Variants in CNGB1 observed in about 807,000 individuals in gnomAD.
CNGB1 encodes cyclic nucleotide gated channel subunit beta 1.
In CNGB1, 126 loss-of-function variants were observed where a neutral mutation model predicts 151.7. That is an observed-to-expected ratio of 0.83 (90% CI 0.72 to 0.96). The LOEUF (loss-of-function observed/expected upper bound fraction) is 0.96, where lower values mean the gene tolerates loss of function less well. CNGB1 is among the 40% of genes least tolerant of loss of function. CNGB1 has a pLI of 0.00. For missense variants in CNGB1, 1,698 were observed against 1,627.0 expected, an observed-to-expected ratio of 1.04 and a Z score of -0.75; for synonymous variants, 623 against 635.1, an observed-to-expected ratio of 0.98 and a Z score of 0.29.
intron 14 of CNGB1, among the ~76,000 whole-genome samples, chr16:57,949,140 G>T (rs780001977): frequency 6.6e-6 from 1 of 151,904 alleles, no homozygotes; most frequent in East Asian, 1.9e-4. Flanking sequence ...GTGTGGGGGG[G>T]GATGTGGAGT....
At chr16:57,947,203 T>C (rs558617726) in intron 14 of CNGB1, among the ~76,000 whole-genome samples, 34 of 152,346 alleles carry the variant, frequency 2.2e-4, no homozygotes, top group Admixed American at 2.2e-3. Flanking sequence ...TGAGAACATG[T>C]GTATAGTTAG....
intron 2 of CNGB1, among the ~76,000 whole-genome samples, chr16:57,965,401 G>A (rs150550905): frequency 5.3e-5 from 8 of 152,308 alleles, no homozygotes; most frequent in Middle Eastern, 6.8e-3. Context: ...ATACATACAT[G>A]CGTATAACTG....
chr16:57,901,192 G>A (rs1960374998), intron 29 of CNGB1, among the ~76,000 whole-genome samples, 160 bp downstream of exon 29: 1 of 151,962 alleles, frequency 6.6e-6, no homozygotes, highest in African/African-American at 2.4e-5. Context: ...CCTGCTCTTG[G>A]GTCTGGTCAG....
intron 16 of CNGB1, among the ~76,000 whole-genome samples, chr16:57,936,511 G>C (rs1321549518): frequency 6.6e-6 from 1 of 152,234 alleles, no homozygotes; most frequent in African/African-American, 2.4e-5. Context: ...ATGAATTGCT[G>C]GCCAGGCACA....
chr16:57,935,445 T>G (rs1961481742), intron 16 of CNGB1, among the ~76,000 whole-genome samples: 1 of 152,116 alleles, frequency 6.6e-6, no homozygotes, highest in Non-Finnish European at 1.5e-5. Flanking sequence ...TTTGGGAGGC[T>G]GAGGTGGGCA....
rs760925048 is a variant in CNGB1, at chr16:57,887,910, A to G, written c.3407T>C (p.Leu1136Pro). 3.1e-6 allele frequency: 5 copies of G among 1,614,028 alleles called. No individual in the cohort carries two copies. The highest frequency in any genetic ancestry group is 1.1e-5 in the South Asian group (1 of 91,088). The part of the protein sequence containing the change: ...GGKLAHLRAR[L>P]KELAALEAAA... ...CGCCTCCAGCGCGGCCAGTTCTTTG[A>G]GCCGGGCCCGGAGGTGAGCAAGTTT... is the stretch of plus-strand genomic sequence containing the variant. The change falls in exon 32 of 33, where the codon CTC (leucine) becomes CCC (proline). Residue 1136 changes from leucine (L) to proline (P), a missense_variant. Physicochemically the swap from Leu to Pro is moderately conservative, Grantham distance 98. Coordinates refer to ENST00000251102, the MANE Select transcript of CNGB1 (RefSeq NM_001297.5).
At chr16:57,898,879 C>T (rs187100874) in intron 29 of CNGB1, among the ~76,000 whole-genome samples, 175 of 152,296 alleles carry the variant, frequency 1.1e-3, no homozygotes, top group Admixed American at 0.011. Flanking sequence ...TATTGAAATC[C>T]TCATCCCCAG....
chr16:57,883,604 A>C lies in CNGB1; in HGVS notation c.*560T>G. 1 of 166,110 alleles carries C rather than the reference A, an allele frequency of 6.0e-6. No homozygotes were observed. The highest frequency in any genetic ancestry group is 1.3e-5 in the Non-Finnish European group (1 of 77,520). The allele number at this position is 166,110 out of a possible 1,614,324, so 10.3% of individuals were successfully genotyped here. ...TTTTGTTTGTTTTTGTTTTTGTTTGAGATGAGGTCTCGCTATGTTGCCCAG... is the reference window on the plus strand; with the variant it reads ...TTTTGTTTGTTTTTGTTTTTGTTTGCGATGAGGTCTCGCTATGTTGCCCAG... On this transcript the variant is annotated 3_prime_UTR_variant, in exon 33 of 33. Coordinates refer to ENST00000251102, the MANE Select transcript of CNGB1 (RefSeq NM_001297.5).
At chr16:57,915,121 T>C in intron 23 of CNGB1, 128 bp downstream of exon 23, 1 of 685,708 alleles carries the variant, frequency 1.5e-6, no homozygotes, top group Non-Finnish European at 2.5e-6. Flanking sequence ...AATAAATGCA[T>C]CTCCCCTCGG....
At chr16:57,951,282 C>T (rs1330835077) in intron 12 of CNGB1, among the ~76,000 whole-genome samples, 1 of 152,110 alleles carries the variant, frequency 6.6e-6, no homozygotes, top group African/African-American at 2.4e-5. Context: ...AAGGACAATG[C>T]CTGAATACTA....
intron 14 of CNGB1, among the ~76,000 whole-genome samples, chr16:57,945,316 T>C (rs2149379333): frequency 6.6e-6 from 1 of 152,350 alleles, no homozygotes; most frequent in African/African-American, 2.4e-5. Flanking sequence ...TGGATGACTT[T>C]CCTGAAATAG....
At chr16:57,904,294 G>A (rs1399607692) in intron 26 of CNGB1, among the ~76,000 whole-genome samples, 2 of 152,172 alleles carry the variant, frequency 1.3e-5, no homozygotes, top group African/African-American at 4.8e-5. Flanking sequence ...GTTCCTCGGT[G>A]ACGGCGGCCA....
At position 57,897,890 on chromosome 16, in the gene CNGB1, T is replaced by C; in HGVS notation, c.3001A>G (p.Ile1001Val). 1 of 1,614,192 alleles carries C rather than the reference T, an allele frequency of 6.2e-7. No individual in the cohort carries two copies. Among genetic ancestry groups the C allele is most frequent in the Non-Finnish European group, 8.5e-7 (1 of 1,180,038 alleles). The change falls in exon 30 of 33, where the codon ATC becomes GTC. Residue 1001 changes from isoleucine (I) to valine (V), a missense_variant. Transcript: ENST00000251102. ...ACCTGCACTTGCCCTGCCTGGATGA[T>C]GTACATCTCACGGCCGATCTCCCCC... Reference protein sequence around the residue: ...KKGEIGREMYIIQAGQVQVLG... With the variant: ...KKGEIGREMYVIQAGQVQVLG...
chr16:57,907,166 G>C (rs77334347), intron 25 of CNGB1, among the ~76,000 whole-genome samples: 1 of 152,132 alleles, frequency 6.6e-6, no homozygotes, highest in African/African-American at 2.4e-5. Context: ...TCCCGCAGAG[G>C]GCCCTGCAGA....
chr16:57,897,987 A>G, intron 29 of CNGB1, 73 bp from the exon 30 acceptor site: 1 of 1,510,592 alleles, frequency 6.6e-7, no homozygotes, highest in Non-Finnish European at 9.2e-7. Flanking sequence ...GGCTGGATCC[A>G]GAGGCTGGAG....
rs10598722 is a variant in CNGB1 at position 57,952,493 on chromosome 16, CTTTTTTT to C, written c.875-1960_875-1954del. Among the ~76,000 whole-genome samples the C allele has an allele frequency of 6.0e-4, 37 of 62,142 alleles. No individual in the cohort carries two copies. The Admixed American group carries it at 6.8e-3, about 11-fold the overall frequency. 40.8% of individuals were successfully genotyped at this position (62,142 alleles called of 152,430 possible). A position where few individuals can be genotyped will look rare whatever the true frequency, so the allele number is the denominator to read the frequency against. On this transcript the variant is annotated intron_variant, in intron 12 of 32. Coordinates refer to ENST00000251102, the MANE Select transcript of CNGB1 (RefSeq NM_001297.5). Reference sequence around the variant, plus strand: ...TGCGTGGGTGTTTTACAAGCATTTCCTTTTTTTTTTTTTTTTTTTTTTTTTTTGAGAC... The same window carrying C: ...TGCGTGGGTGTTTTACAAGCATTTCCTTTTTTTTTTTTTTTTTTTTGAGAC...
intron 4 of CNGB1, 43 bp from the exon 5 acceptor site, chr16:57,963,107 G>T: frequency 7.0e-7 from 1 of 1,432,304 alleles, no homozygotes; most frequent in Non-Finnish European, 9.8e-7. Flanking sequence ...ACTTCCCCTA[G>T]CTCAATGAGG....
In CNGB1 at chr16:57,883,575, G is replaced by GT. The variant is rs144616073; in HGVS notation, c.*588dup. 1.2e-5 allele frequency: 2 copies of GT among 167,062 alleles called. No individual in the cohort carries two copies. Among genetic ancestry groups the GT allele is most frequent in the Non-Finnish European group, 2.6e-5 (2 of 78,238 alleles). The allele number at this position is 167,062 out of a possible 1,614,324, so 10.3% of individuals were successfully genotyped here. ...GTGCACACCATCACGCCTGGCTATTGTTTTTTTGTTTGTTTTTGTTTTTGT... is the reference window on the plus strand; with the variant it reads ...GTGCACACCATCACGCCTGGCTATTGTTTTTTTTGTTTGTTTTTGTTTTTGT... On this transcript the variant is annotated 3_prime_UTR_variant, in exon 33 of 33. Transcript: ENST00000251102.
At chr16:57,959,718 G>A (rs565934967) in intron 10 of CNGB1, among the ~76,000 whole-genome samples, 170 bp downstream of exon 10, 14 of 152,374 alleles carry the variant, frequency 9.2e-5, no homozygotes, top group Admixed American at 1.3e-4. Context: ...AAGCTTGGAC[G>A]TGCATAGAAA....
Sources: gnomAD v4.1 joint callset for allele counts (sites outside exome capture counted in the v4.1 genomes callset) on GRCh38, gnomAD v4.1.1 for gene constraint, MANE v1.5 for transcripts, NCBI Gene and HGNC (gene_info 2026-07-23, HGNC 2026-07-21) for gene names.